The following CNTN5 variants were observed in gnomAD, a reference collection of about 807,000 sequenced individuals.
CNTN5 encodes the protein contactin-5.
A neutral mutation model predicts 129.1 loss-of-function variants in CNTN5; 77 were observed. The observed-to-expected ratio is 0.60, with a 90% CI of 0.50 to 0.72. The LOEUF is 0.72. CNTN5 is among the 30% of genes least tolerant of loss of function. The probability of loss-of-function intolerance (pLI) is 0.00; values close to 1 mark genes in which losing one functional copy is unlikely to be tolerated. For missense variants in CNTN5, 1,478 were observed against 1,328.8 expected, an observed-to-expected ratio of 1.11 and a Z score of -1.75; for synonymous variants, 509 against 465.6, an observed-to-expected ratio of 1.09 and a Z score of -1.20.
At chr11:99,463,538 A>G (rs1463771965) in intron 2 of CNTN5, among the ~76,000 whole-genome samples, 2 of 151,946 alleles carry the variant, frequency 1.3e-5, no homozygotes, top group Non-Finnish European at 2.9e-5. Flanking sequence ...TGCTATTCCA[A>G]GCTAGTACTG....
At chr11:99,036,338 C>T (rs1863732332) in intron 1 of CNTN5, among the ~76,000 whole-genome samples, 1 of 151,970 alleles carries the variant, frequency 6.6e-6, no homozygotes, top group African/African-American at 2.4e-5. Flanking sequence ...TTCACTCCCT[C>T]AGAAGTAGTC....
chr11:99,176,471 A>G (rs1407691522), intron 1 of CNTN5, among the ~76,000 whole-genome samples: 1 of 152,114 alleles, frequency 6.6e-6, no homozygotes, highest in Non-Finnish European at 1.5e-5. Context: ...TACTTCCAAA[A>G]TCAAACTCAA....
At chr11:99,232,817 C>T (rs1418752239) in intron 1 of CNTN5, among the ~76,000 whole-genome samples, 1 of 152,128 alleles carries the variant, frequency 6.6e-6, no homozygotes, top group Admixed American at 6.6e-5. Context: ...TTTGGCTTGT[C>T]TCTTATATTT....
At chr11:99,028,033 C>A (rs1182989489) in intron 1 of CNTN5, among the ~76,000 whole-genome samples, 1 of 151,608 alleles carries the variant, frequency 6.6e-6, no homozygotes, top group Non-Finnish European at 1.5e-5. Context: ...CATTTTAGTT[C>A]TTTGAATTTT....
At chr11:99,578,325 A>G (rs1218503684) in intron 3 of CNTN5, among the ~76,000 whole-genome samples, 1 of 151,414 alleles carries the variant, frequency 6.6e-6, no homozygotes, top group Non-Finnish European at 1.5e-5. Context: ...ATGATTTATA[A>G]TCCTTTGGGT....
chr11:99,676,730 A>G (rs1591464310), intron 3 of CNTN5, among the ~76,000 whole-genome samples: 1 of 152,218 alleles, frequency 6.6e-6, no homozygotes, highest in Non-Finnish European at 1.5e-5. Flanking sequence ...ATAATTAAAA[A>G]AAAATTAGTA....
chr11:100,299,491 A>G, intron 20 of CNTN5, 95 bp downstream of exon 20: 1 of 718,230 alleles, frequency 1.4e-6, no homozygotes, highest in Non-Finnish European at 2.1e-6. Context: ...AATACAAATA[A>G]GGCAAAATAA....
intron 13 of CNTN5, among the ~76,000 whole-genome samples, chr11:100,113,398 C>G (rs1353309324): frequency 9.5e-5 from 6 of 63,284 alleles, no homozygotes; most frequent in African/African-American, 4.0e-4. Context: ...GGTTTAATGC[C>G]CAACCAGGGA....
intron 7 of CNTN5, among the ~76,000 whole-genome samples, chr11:99,946,560 C>A (rs1325895686): frequency 6.6e-6 from 1 of 151,986 alleles, no homozygotes; most frequent in Admixed American, 6.6e-5. Flanking sequence ...GTTTAGAACA[C>A]CAAATCCTAG....
chr11:99,704,435 G>A (rs996896922), intron 3 of CNTN5, among the ~76,000 whole-genome samples: 6 of 151,150 alleles, frequency 4.0e-5, no homozygotes, highest in Middle Eastern at 6.8e-3. Context: ...GATTAGTGTG[G>A]TTCCTAGATG....
intron 2 of CNTN5, among the ~76,000 whole-genome samples, chr11:99,397,803 T>C (rs558078557): frequency 6.6e-6 from 1 of 151,944 alleles, no homozygotes; most frequent in South Asian, 2.1e-4. Flanking sequence ...CAAGGATCCC[T>C]GGCTACTTTT....
At chr11:100,043,289 C>G (rs1048975583) in intron 9 of CNTN5, among the ~76,000 whole-genome samples, 3 of 152,126 alleles carry the variant, frequency 2.0e-5, no homozygotes, top group Non-Finnish European at 4.4e-5. Flanking sequence ...GTCAGTAAAA[C>G]CTTGGCACTG....
intron 18 of CNTN5, among the ~76,000 whole-genome samples, chr11:100,273,105 G>A (rs1364560869): frequency 6.6e-6 from 1 of 152,040 alleles, no homozygotes; most frequent in East Asian, 1.9e-4. Flanking sequence ...TAGTCTGCTG[G>A]CCTCTCCCCG....
At position 99,894,129 on chromosome 11, in the gene CNTN5, G is replaced by A. The variant is rs745588386; in HGVS notation, c.578-21925G>A. On this transcript the variant is annotated intron_variant, in intron 6 of 24. Transcript: ENST00000524871. Reference sequence around the variant, plus strand: ...GTGACTGCTGTACTTACCATCTCCCGTTCCCACCTAGTAGGTGGTATATAG... The same window carrying A: ...GTGACTGCTGTACTTACCATCTCCCATTCCCACCTAGTAGGTGGTATATAG... Among the ~76,000 whole-genome samples, 5 of 151,978 alleles carry A rather than the reference G, an allele frequency of 3.3e-5. 1 individual carries two copies. The highest frequency in any genetic ancestry group is 1.3e-4 in the Admixed American group (2 of 15,246).
At chr11:99,870,694 G>A (rs965467370) in intron 6 of CNTN5, among the ~76,000 whole-genome samples, 8 of 151,840 alleles carry the variant, frequency 5.3e-5, no homozygotes, top group South Asian at 2.1e-4. Flanking sequence ...TTGTAATTAC[G>A]GACAATTTGA....
At chr11:100,135,392 G>A (rs1946492004) in intron 13 of CNTN5, among the ~76,000 whole-genome samples, 1 of 151,942 alleles carries the variant, frequency 6.6e-6, no homozygotes, top group African/African-American at 2.4e-5. Context: ...AACCAGGATG[G>A]TCTCGATCTC....
rs146706911 is a variant in CNTN5, at chr11:100,070,421, C to A, written c.1163-3C>A. ...TCCTTGTTTACTGCTTACATACTTA[C>A]AGCCTACCCACACTGGGTAGAAAAA... is the stretch of plus-strand genomic sequence containing the variant. On this transcript the variant is annotated splice_region_variant and splice_polypyrimidine_tract_variant and intron_variant, in intron 10 of 24. Coordinates refer to ENST00000524871, the MANE Select transcript of CNTN5 (RefSeq NM_014361.4). The A allele has an allele frequency of 6.2e-7, 1 of 1,610,456 alleles. No homozygotes were observed. The highest frequency in any genetic ancestry group is 1.3e-5 in the African/African-American group (1 of 74,816).
chr11:99,842,738 T>G (rs1450325374), intron 4 of CNTN5, among the ~76,000 whole-genome samples: 1 of 152,158 alleles, frequency 6.6e-6, no homozygotes, highest in Non-Finnish European at 1.5e-5. Flanking sequence ...TTATAAAAAT[T>G]TATAGAAGTT....
At chr11:100,119,249 A>G (rs1224242867) in intron 13 of CNTN5, among the ~76,000 whole-genome samples, 1 of 151,888 alleles carries the variant, frequency 6.6e-6, no homozygotes, top group Non-Finnish European at 1.5e-5. Flanking sequence ...TAAGCTAGAA[A>G]CACATATTAC....
Sources: allele counts gnomAD v4.1 joint callset (sites outside exome capture counted in the v4.1 genomes callset), GRCh38; gene constraint gnomAD v4.1.1; transcripts MANE v1.5; gene names NCBI Gene and HGNC (gene_info 2026-07-23, HGNC 2026-07-21).